Variants in B3GALT1 observed in about 807,000 individuals in gnomAD.
The protein encoded by B3GALT1 is UDP-Gal:betaGlcNAc beta 1,3-galactosyltransferase, polypeptide 1.
In B3GALT1, 10 loss-of-function variants were observed where a neutral mutation model predicts 23.2. The observed-to-expected ratio is 0.43, with a 90% CI of 0.27 to 0.73. B3GALT1 has a LOEUF of 0.73. B3GALT1 is among the 30% of genes least tolerant of loss of function. B3GALT1 has a pLI of 0.21. For missense variants in B3GALT1, 299 were observed against 405.4 expected, an observed-to-expected ratio of 0.74 and a Z score of 2.25; for synonymous variants, 156 against 141.5, an observed-to-expected ratio of 1.10 and a Z score of -0.73.
At chr2:167,786,511 T>C (rs891750609) in intron 3 of B3GALT1, among the ~76,000 whole-genome samples, 13 of 152,358 alleles carry the variant, frequency 8.5e-5, no homozygotes, top group South Asian at 4.1e-4. Context: ...TTTGGTCTTC[T>C]TTCTATGCTA....
At chr2:167,449,681 G>A (rs956916326) in intron 1 of B3GALT1, among the ~76,000 whole-genome samples, 2 of 152,072 alleles carry the variant, frequency 1.3e-5, no homozygotes, top group African/African-American at 4.8e-5. Context: ...AGTTCTCAAG[G>A]GGAATGCTTT....
chr2:167,648,659 T>G (rs772740706), intron 3 of B3GALT1, among the ~76,000 whole-genome samples: 1 of 152,194 alleles, frequency 6.6e-6, no homozygotes, highest in Non-Finnish European at 1.5e-5. Flanking sequence ...GTGCTTTTAG[T>G]GGCATTTTGT....
intron 3 of B3GALT1, among the ~76,000 whole-genome samples, chr2:167,674,512 C>A (rs561742801): frequency 1.8e-4 from 28 of 152,182 alleles, no homozygotes; most frequent in Non-Finnish European, 3.1e-4. Context: ...TTTGATGCAA[C>A]CTTCAGATAA....
intron 3 of B3GALT1, among the ~76,000 whole-genome samples, chr2:167,777,488 A>C (rs906405867): frequency 3.9e-5 from 6 of 152,110 alleles, no homozygotes; most frequent in African/African-American, 1.4e-4. Context: ...CTGGAATTAC[A>C]GGCACCCACC....
intron 2 of B3GALT1, among the ~76,000 whole-genome samples, chr2:167,584,110 T>C (rs540949067): frequency 6.6e-6 from 1 of 152,196 alleles, no homozygotes; most frequent in Admixed American, 6.5e-5. Context: ...GGACCTGGCT[T>C]TTTTTCCCAC....
At chr2:167,811,224 C>T (rs1429701587) in intron 3 of B3GALT1, among the ~76,000 whole-genome samples, 1 of 152,158 alleles carries the variant, frequency 6.6e-6, no homozygotes, top group Non-Finnish European at 1.5e-5. Flanking sequence ...TCTTTGGGAT[C>T]TTCAGTCTAC....
intron 3 of B3GALT1, among the ~76,000 whole-genome samples, chr2:167,706,226 A>G (rs978215289): frequency 1.3e-5 from 2 of 152,222 alleles, no homozygotes; most frequent in Non-Finnish European, 2.9e-5. Context: ...ACACAGATAT[A>G]AAGAAACTGT....
intron 2 of B3GALT1, among the ~76,000 whole-genome samples, chr2:167,591,424 AGAG>A (rs1331761448): frequency 6.6e-6 from 1 of 152,156 alleles, no homozygotes; most frequent in African/African-American, 2.4e-5. Flanking sequence ...GATGTAGGAC[AGAG>A]GAGAGATTTG....
intron 1 of B3GALT1, among the ~76,000 whole-genome samples, chr2:167,331,573 G>A (rs1385275344): frequency 6.6e-6 from 1 of 152,136 alleles, no homozygotes; most frequent in Non-Finnish European, 1.5e-5. Context: ...AGGTTGAGTG[G>A]GCCTGGCCTC....
At chr2:167,389,518 GA>G (rs1373998702) in intron 1 of B3GALT1, among the ~76,000 whole-genome samples, 1 of 152,126 alleles carries the variant, frequency 6.6e-6, no homozygotes, top group Non-Finnish European at 1.5e-5. Flanking sequence ...CGCTGTTAGG[GA>G]GATCAACCAA....
intron 3 of B3GALT1, among the ~76,000 whole-genome samples, chr2:167,800,765 G>T (rs1347859158): frequency 1.3e-5 from 2 of 152,164 alleles, no homozygotes; most frequent in Non-Finnish European, 2.9e-5. Flanking sequence ...AGTGACTCGG[G>T]ATGGGCACTT....
intron 2 of B3GALT1, among the ~76,000 whole-genome samples, chr2:167,494,846 G>A (rs1232277650): frequency 6.6e-6 from 1 of 152,096 alleles, no homozygotes; most frequent in Admixed American, 6.6e-5. Flanking sequence ...TGAAAACATA[G>A]CTTTCTTACA....
chr2:167,684,921 C>T (rs530117676), intron 3 of B3GALT1, among the ~76,000 whole-genome samples: 4 of 150,550 alleles, frequency 2.7e-5, no homozygotes, highest in East Asian at 4.0e-4. Flanking sequence ...GAAAAATAGA[C>T]ACATGACAGT....
chr2:167,820,640 G>A (rs917160235), intron 4 of B3GALT1, among the ~76,000 whole-genome samples: 2 of 152,214 alleles, frequency 1.3e-5, no homozygotes, highest in Non-Finnish European at 2.9e-5. Flanking sequence ...CCTGTAACCT[G>A]AGCAAACAAC....
intron 1 of B3GALT1, among the ~76,000 whole-genome samples, chr2:167,301,031 TTCA>T (rs757694850): frequency 9.8e-5 from 15 of 152,328 alleles, no homozygotes; most frequent in Middle Eastern, 3.4e-3. Context: ...GAGGCTCATA[TTCA>T]TCATTTTATT....
intron 3 of B3GALT1, among the ~76,000 whole-genome samples, chr2:167,666,033 C>T (rs573152478): frequency 3.9e-5 from 6 of 152,072 alleles, no homozygotes; most frequent in East Asian, 1.9e-4. Context: ...CTTGCTTTTC[C>T]AATTCTTTTA....
At chr2:167,507,648 T>C (rs1404017860) in intron 2 of B3GALT1, among the ~76,000 whole-genome samples, 1 of 151,970 alleles carries the variant, frequency 6.6e-6, no homozygotes, top group Non-Finnish European at 1.5e-5. Context: ...TAATATATAT[T>C]AGTAGCTAAC....
chr2:167,839,910 G>C (rs1215182778), intron 4 of B3GALT1, among the ~76,000 whole-genome samples: 35 of 151,896 alleles, frequency 2.3e-4, no homozygotes, highest in African/African-American at 6.8e-4. Context: ...ACAAACCTGA[G>C]AAAAACAAGC....
chr2:167,770,959 C>T (rs1431232889), intron 3 of B3GALT1, among the ~76,000 whole-genome samples: 3 of 152,184 alleles, frequency 2.0e-5, no homozygotes, highest in Non-Finnish European at 4.4e-5. Context: ...TCAATAAACA[C>T]TTATTAAGAA....
Sources: gnomAD v4.1 joint callset for allele counts (sites outside exome capture counted in the v4.1 genomes callset) on GRCh38, gnomAD v4.1.1 for gene constraint, MANE v1.5 for transcripts, NCBI Gene and HGNC (gene_info 2026-07-23, HGNC 2026-07-21) for gene names.